The following GCSAML variants were observed in gnomAD, a reference collection of about 807,000 sequenced individuals.
GCSAML encodes germinal center-associated signaling and motility-like protein.
In GCSAML, 9 loss-of-function variants were observed where a neutral mutation model predicts 13.0. That is an observed-to-expected ratio of 0.69 (90% CI 0.42 to 1.21). The LOEUF (loss-of-function observed/expected upper bound fraction) is 1.21. Ranked by LOEUF, GCSAML falls within the 50% of genes most tolerant of loss-of-function variation. The pLI, the probability that GCSAML is intolerant of heterozygous loss-of-function variation, is 0.00. For missense variants in GCSAML, 143 were observed against 153.4 expected, an observed-to-expected ratio of 0.93 and a Z score of 0.36; for synonymous variants, 37 against 52.9, an observed-to-expected ratio of 0.70 and a Z score of 1.31.
intron 2 of GCSAML, among the ~76,000 whole-genome samples, chr1:247,563,339 T>C (rs184581421): frequency 1.3e-5 from 2 of 152,364 alleles, no homozygotes; most frequent in Non-Finnish European, 2.9e-5. Flanking sequence ...TGTAATAATA[T>C]ATGTAGTCTG....
At chr1:247,529,900 T>A (rs960459783) in intron 2 of GCSAML, 2 of 152,176 alleles carry the variant, frequency 1.3e-5, no homozygotes, top group African/African-American at 4.8e-5. Flanking sequence ...GAACTCAAGC[T>A]GCAACATCAA....
chr1:247,535,886 C>T (rs1667199590), intron 2 of GCSAML, among the ~76,000 whole-genome samples: 1 of 152,214 alleles, frequency 6.6e-6, no homozygotes, highest in Admixed American at 6.5e-5. Flanking sequence ...GCAACCCTAT[C>T]CCAAACACTG....
intron 1 of GCSAML, among the ~76,000 whole-genome samples, chr1:247,514,563 G>A (rs1666149886): frequency 6.6e-6 from 1 of 152,130 alleles, no homozygotes; most frequent in Non-Finnish European, 1.5e-5. Context: ...ATCTAGAAGG[G>A]TTTTTCCAAT....
intron 2 of GCSAML, chr1:247,531,609 G>C (rs766755350): frequency 6.2e-7 from 1 of 1,614,174 alleles, no homozygotes; most frequent in South Asian, 1.1e-5. Flanking sequence ...TGTGCCGGAG[G>C]GCGCTCTTCA....
intron 2 of GCSAML, chr1:247,530,526 C>CCG (rs1553302928): frequency 6.7e-6 from 1 of 149,430 alleles, no homozygotes; most frequent in African/African-American, 2.4e-5. Context: ...ATCCCCCCCC[C>CCG]ACAAAATAAC....
intron 2 of GCSAML, among the ~76,000 whole-genome samples, chr1:247,542,355 C>T (rs942456170): frequency 2.0e-5 from 3 of 152,194 alleles, no homozygotes; most frequent in African/African-American, 7.2e-5. Flanking sequence ...ATGATATTTT[C>T]AATGCAAAGT....
Position 247,532,403 on chromosome 1 carries a change from T to G in GCSAML, c.-148+5349T>G, listed in dbSNP as rs1449021917. On this transcript the variant is annotated intron_variant, in intron 2 of 5. Coordinates refer to the GCSAML transcript ENST00000366489. ...ATGCCATTGCCCAAGATCGATACCATGTAAAAACTCAAGACAACTATGAAG... is the reference window on the plus strand; with the variant it reads ...ATGCCATTGCCCAAGATCGATACCAGGTAAAAACTCAAGACAACTATGAAG... 4 of 1,613,952 alleles carry G rather than the reference T, an allele frequency of 2.5e-6. No homozygotes were observed. In the East Asian group the frequency reaches 6.7e-5, roughly 27 times the overall value.
At chr1:247,538,217 G>A (rs1667288956) in intron 2 of GCSAML, among the ~76,000 whole-genome samples, 2 of 152,200 alleles carry the variant, frequency 1.3e-5, no homozygotes, top group South Asian at 2.1e-4. Context: ...TGTCTATCCA[G>A]TTGTGTTGAA....
chr1:247,511,912 C>A (rs997276449), intron 1 of GCSAML, among the ~76,000 whole-genome samples: 2 of 152,088 alleles, frequency 1.3e-5, no homozygotes, highest in African/African-American at 4.8e-5. Flanking sequence ...GTTGGTAACC[C>A]GACCTTTCTC....
intron 1 of GCSAML, among the ~76,000 whole-genome samples, chr1:247,551,304 G>A (rs1667770298): frequency 6.6e-6 from 1 of 152,194 alleles, no homozygotes; most frequent in Admixed American, 6.5e-5. Flanking sequence ...CAAGCTGAAG[G>A]GACAACCTGT....
chr1:247,542,031 A>T (rs868822732), intron 2 of GCSAML, among the ~76,000 whole-genome samples: 20 of 151,456 alleles, frequency 1.3e-4, no homozygotes, highest in Admixed American at 9.2e-4. Flanking sequence ...AAAAAAAAAA[A>T]GGAAAAAGAA....
At chr1:247,553,198 A>T (rs1667840349) in intron 1 of GCSAML, among the ~76,000 whole-genome samples, 1 of 152,148 alleles carries the variant, frequency 6.6e-6, no homozygotes, top group Non-Finnish European at 1.5e-5. Context: ...TACCATATGC[A>T]ACAGTAATAA....
chr1:247,538,104 T>C (rs1419685832), intron 2 of GCSAML, among the ~76,000 whole-genome samples: 1 of 152,234 alleles, frequency 6.6e-6, no homozygotes, highest in East Asian at 1.9e-4. Context: ...TGATTACTTC[T>C]AAGAGTTTAT....
At chr1:247,552,020 C>G (rs1470758166) in intron 1 of GCSAML, among the ~76,000 whole-genome samples, 1 of 152,098 alleles carries the variant, frequency 6.6e-6, no homozygotes, top group Non-Finnish European at 1.5e-5. Context: ...CAGAAAGATA[C>G]AGGGAAAGTT....
chr1:247,537,851 G>T (rs149613445), intron 2 of GCSAML, among the ~76,000 whole-genome samples: 2,495 of 152,066 alleles, frequency 0.016, 76 homozygotes, highest in Admixed American at 0.081. Context: ...TGGGTTGTTT[G>T]TCTTTTTGTA....
chr1:247,563,902 A>G (rs1168895914), intron 3 of GCSAML, among the ~76,000 whole-genome samples: 1 of 152,120 alleles, frequency 6.6e-6, no homozygotes, highest in Non-Finnish European at 1.5e-5. Context: ...GTGTTCTAAA[A>G]TAGGGCCTTT....
At chr1:247,532,239 T>C in intron 2 of GCSAML, 1 of 1,614,170 alleles carries the variant, frequency 6.2e-7, no homozygotes, top group Non-Finnish European at 8.5e-7. Context: ...AGCTTATGGT[T>C]TTCTGTGGTC....
In GCSAML at chr1:247,574,288, G is replaced by C. The variant is rs1668748405; in HGVS notation, c.314G>C (p.Arg105Thr). 6.2e-7 allele frequency: 1 copy of C among 1,613,948 alleles called. No individual in the cohort carries two copies. Among genetic ancestry groups the C allele is most frequent in the Non-Finnish European group, 8.5e-7 (1 of 1,180,018 alleles). The change falls in exon 5 of 5, where the codon AGG becomes ACG. Residue 105 changes from arginine (R) to threonine (T), a missense_variant. By Grantham distance (71) the Arg-to-Thr change is moderately conservative (BLOSUM62 -1). Coordinates refer to ENST00000366488, the MANE Select transcript of GCSAML (RefSeq NM_145278.5). ...AGGAAAGTGAGACAGTTTAGAGAAAGGTCAGAGACAGAATATGCCCTTCTT... is the reference window on the plus strand; with the variant it reads ...AGGAAAGTGAGACAGTTTAGAGAAACGTCAGAGACAGAATATGCCCTTCTT... ...LTRKVRQFRE[R>T]SETEYALLRT... is the part of the protein sequence containing the mutation.
rs1380167109 is a variant in GCSAML, at chr1:247,565,923, T to C, written c.140-8T>C. The stretch of plus-strand genomic sequence containing the variant: ...TTCTTTCTTTTTTTTTTTTTTTTAA[T>C]TCTCCAGGCCAAGAAGTTTCATCCA... On this transcript the variant is annotated splice_polypyrimidine_tract_variant and splice_region_variant and intron_variant, in intron 3 of 4. Transcript: ENST00000366488. The C allele has an allele frequency of 5.2e-6, 8 of 1,551,796 alleles. No individual in the cohort carries two copies. Among genetic ancestry groups the C allele is most frequent in the Non-Finnish European group, 6.9e-6 (8 of 1,153,340 alleles).
Sources: gnomAD v4.1 joint callset for allele counts (sites outside exome capture counted in the v4.1 genomes callset) on GRCh38, gnomAD v4.1.1 for gene constraint, MANE v1.5 for transcripts, NCBI Gene and HGNC (gene_info 2026-07-23, HGNC 2026-07-21) for gene names.